HECTD2: variants seen among roughly 807,000 people sequenced by gnomAD.
The protein encoded by HECTD2 is probable E3 ubiquitin-protein ligase HECTD2.
Under a neutral mutation model 103.2 loss-of-function variants are expected in HECTD2, and 35 were observed. The observed-to-expected ratio is 0.34, with a 90% CI of 0.26 to 0.45. The LOEUF is 0.45. Ranked by LOEUF, HECTD2 falls within the 20% of genes least tolerant of loss-of-function variation. The probability of loss-of-function intolerance (pLI) is 1.00; values close to 1 mark genes in which losing one functional copy is unlikely to be tolerated. For synonymous variants in HECTD2, 281 were observed against 329.9 expected (o/e 0.85, Z 1.61); for missense variants, 596 against 937.4 (o/e 0.64, Z 4.76).
intron 20 of HECTD2, among the ~76,000 whole-genome samples, chr10:91,508,884 A>T (rs1229091390): frequency 6.6e-6 from 1 of 152,068 alleles, no homozygotes; most frequent in South Asian, 2.1e-4. Context: ...CAAATGTCCA[A>T]CAATGATAGA....
chr10:91,449,017 A>T (rs1177628908), intron 2 of HECTD2, among the ~76,000 whole-genome samples: 1 of 139,774 alleles, frequency 7.2e-6, no homozygotes, highest in African/African-American at 2.7e-5. Flanking sequence ...CTCCTCCCTA[A>T]CTCACTTTAT....
At chr10:91,506,578 A>G (rs1847188375) in intron 20 of HECTD2, among the ~76,000 whole-genome samples, 2 of 152,188 alleles carry the variant, frequency 1.3e-5, no homozygotes, top group Non-Finnish European at 2.9e-5. Flanking sequence ...AACCAGGAAG[A>G]AGTTGAATCT....
At chr10:91,439,922 A>G (rs777852861) in intron 2 of HECTD2, among the ~76,000 whole-genome samples, 4 of 152,184 alleles carry the variant, frequency 2.6e-5, no homozygotes, top group Non-Finnish European at 5.9e-5. Context: ...TGATTTTTGC[A>G]CACTGATTTT....
chr10:91,486,446 T>C (rs1315743749), intron 10 of HECTD2: 1 of 152,186 alleles, frequency 6.6e-6, no homozygotes, highest in Non-Finnish European at 1.5e-5. Flanking sequence ...ATATAGAGCT[T>C]CCTCTAACAA....
chr10:91,473,704 A>G (rs1215701129), intron 5 of HECTD2, among the ~76,000 whole-genome samples: 5 of 152,194 alleles, frequency 3.3e-5, no homozygotes, highest in African/African-American at 1.2e-4. Context: ...CACTTAATAA[A>G]CAGTAGATAT....
At chr10:91,504,931 G>C (rs1353561336) in intron 20 of HECTD2, among the ~76,000 whole-genome samples, 4 of 152,154 alleles carry the variant, frequency 2.6e-5, no homozygotes, top group East Asian at 1.9e-4. Flanking sequence ...CGGATCTCTT[G>C]GCAGAAACCC....
chr10:91,504,756 A>C (rs1252544886), intron 20 of HECTD2, among the ~76,000 whole-genome samples: 7 of 151,756 alleles, frequency 4.6e-5, no homozygotes, highest in Non-Finnish European at 8.8e-5. Flanking sequence ...GCCAACATTC[A>C]GATTCAGGAA....
Position 91,492,456 on chromosome 10 carries a change from A to G in HECTD2, c.1404A>G (p.Leu468=). The stretch of plus-strand genomic sequence containing the variant: ...TGACTAAAGAATGGTTCCTTCTTCT[A>G]ATTCGCCAAATTTTTCATCCAGATT... ...GGLTKEWFLL[L]IRQIFHPDYG... Residue 468 remains leucine (L), a synonymous_variant, in exon 13 of 21, where the codon CTA becomes CTG. Coordinates refer to ENST00000298068, the MANE Select transcript of HECTD2 (RefSeq NM_182765.6). 6.2e-7 allele frequency: 1 copy of G among 1,611,346 alleles called. No individual in the cohort carries two copies. The highest frequency in any genetic ancestry group is 1.1e-5 in the South Asian group (1 of 90,910).
At chr10:91,508,805 C>T (rs1409734990) in intron 20 of HECTD2, among the ~76,000 whole-genome samples, 2 of 151,940 alleles carry the variant, frequency 1.3e-5, no homozygotes, top group Non-Finnish European at 2.9e-5. Context: ...AATCATGCTG[C>T]TATAAAGACA....
At chr10:91,511,894 A>G (rs1771674584) in intron 20 of HECTD2, among the ~76,000 whole-genome samples, 1 of 152,166 alleles carries the variant, frequency 6.6e-6, no homozygotes, top group Non-Finnish European at 1.5e-5. Context: ...GGTTTACCCT[A>G]TATTGTTGAT....
rs1398902297 is a variant in HECTD2, at chr10:91,460,563, T to C, written c.405T>C (p.Phe135=). 1 of 1,606,840 alleles carries C rather than the reference T, an allele frequency of 6.2e-7. No homozygotes were observed. Among genetic ancestry groups the C allele is most frequent in the Admixed American group, 1.7e-5 (1 of 58,644 alleles). The part of the protein sequence containing the change: ...LPIQPKTVKD[F]QEDVEKVKSS... ...TCCAGCCCAAAACTGTGAAAGACTT[T>C]CAGTAAGTTTCAGCTATTATATGTA... is the stretch of plus-strand genomic sequence containing the variant. Residue 135 remains phenylalanine, a splice_region_variant and synonymous_variant, in exon 3 of 21, where the codon TTT becomes TTC. Transcript: ENST00000298068.
At chr10:91,491,379 T>A in intron 12 of HECTD2, 72 bp downstream of exon 12, 1 of 713,578 alleles carries the variant, frequency 1.4e-6, no homozygotes, top group Non-Finnish European at 2.3e-6. Flanking sequence ...AAAATCATAG[T>A]AAACTTTTTT....
intron 6 of HECTD2, 141 bp from the exon 7 acceptor site, chr10:91,480,953 T>C (rs1221569326): frequency 5.3e-6 from 3 of 561,458 alleles, no homozygotes; most frequent in African/African-American, 4.0e-5. Context: ...TATTATGGAC[T>C]GTCTCAATAA....
chr10:91,512,222 GTGT>G (rs753772223), intron 20 of HECTD2, 39 bp from the exon 21 acceptor site: 2 of 1,594,284 alleles, frequency 1.3e-6, no homozygotes, highest in African/African-American at 1.4e-5. Context: ...CATTTTGTGT[GTGT>G]TTCAAGACTT....
intron 20 of HECTD2, among the ~76,000 whole-genome samples, chr10:91,503,606 G>A (rs992269989): frequency 2.6e-5 from 4 of 152,112 alleles, no homozygotes; most frequent in Non-Finnish European, 4.4e-5. Flanking sequence ...ATTATATCCC[G>A]CACTTGGCTC....
At chr10:91,481,572 A>G (rs1846086495) in intron 7 of HECTD2, among the ~76,000 whole-genome samples, 1 of 151,572 alleles carries the variant, frequency 6.6e-6, no homozygotes, top group Non-Finnish European at 1.5e-5. Flanking sequence ...AATAACTTCA[A>G]TTAGAATTCT....
At chr10:91,503,520 A>G (rs1312905863) in intron 20 of HECTD2, among the ~76,000 whole-genome samples, 2 of 151,982 alleles carry the variant, frequency 1.3e-5, no homozygotes, top group South Asian at 2.1e-4. Flanking sequence ...GGTGACGGAC[A>G]GCACCTGGAA....
intron 2 of HECTD2, among the ~76,000 whole-genome samples, chr10:91,455,733 T>C (rs1845057307): frequency 6.6e-6 from 1 of 152,218 alleles, no homozygotes; most frequent in Non-Finnish European, 1.5e-5. Flanking sequence ...TTAATCCACC[T>C]TGAATTAATT....
chr10:91,454,272 G>A lies in HECTD2; in HGVS notation c.269-6155G>A, dbSNP rs74149218. ...CATACAGCAAAATGGATCATATTCT[G>A]GGCCATAAAACAACTGAAATTTTGA... On this transcript the variant is annotated intron_variant, in intron 2 of 20. Coordinates refer to ENST00000298068, the MANE Select transcript of HECTD2 (RefSeq NM_182765.6). Among the ~76,000 whole-genome samples, 905 of 152,164 alleles carry A rather than the reference G, an allele frequency of 5.9e-3. 4 individuals are homozygous for A. The highest frequency in any genetic ancestry group is 0.021 in the African/African-American group (870 of 41,526).
Sources: gnomAD v4.1 joint callset for allele counts (sites outside exome capture counted in the v4.1 genomes callset) on GRCh38, gnomAD v4.1.1 for gene constraint, MANE v1.5 for transcripts, NCBI Gene and HGNC (gene_info 2026-07-23, HGNC 2026-07-21) for gene names.